Variants in XXYLT1 observed in about 807,000 individuals in gnomAD.
XXYLT1 encodes the protein xyloside xylosyltransferase 1.
A neutral mutation model predicts 28.9 loss-of-function variants in XXYLT1; 20 were observed. That is an observed-to-expected ratio of 0.69 (90% CI 0.49 to 1.00). The LOEUF is 1.00. Among genes scored for constraint, XXYLT1 ranks in the 50% least tolerant of loss-of-function variants. XXYLT1 has a pLI of 0.00. For missense variants in XXYLT1, 542 were observed against 560.1 expected (o/e 0.97, Z 0.33); for synonymous variants, 257 against 253.8 (o/e 1.01, Z -0.12).
In XXYLT1 at chr3:195,068,370, T is replaced by G. The variant is rs1714619178; in HGVS notation, c.*1345A>C. The G allele has an allele frequency of 1.3e-5, 2 of 151,570 alleles. No homozygotes were observed. Among genetic ancestry groups the G allele is most frequent in the South Asian group, 4.2e-4 (2 of 4,794 alleles). 9.4% of individuals were successfully genotyped at this position (151,570 alleles called of 1,614,324 possible). On this transcript the variant is annotated 3_prime_UTR_variant, in exon 4 of 4. Transcript: ENST00000310380. Reference sequence around the variant, plus strand: ...CAAAACAAAACAAGATGAAAATTGATACAAATGGACCCCTGGGGCTTTCAC... The same window carrying G: ...CAAAACAAAACAAGATGAAAATTGAGACAAATGGACCCCTGGGGCTTTCAC...
chr3:195,107,474 CAAAAA>C (rs372671595), intron 3 of XXYLT1, among the ~76,000 whole-genome samples: 2 of 45,692 alleles, frequency 4.4e-5, no homozygotes, highest in Non-Finnish European at 7.9e-5. Context: ...AACTCCGTCT[CAAAAA>C]AAAAAAAAAA....
At chr3:195,141,209 T>C (rs575821730) in intron 3 of XXYLT1, among the ~76,000 whole-genome samples, 173 of 152,326 alleles carry the variant, frequency 1.1e-3, no homozygotes, top group African/African-American at 3.9e-3. Context: ...GTAAGATTCA[T>C]CTATACAGTC....
At position 195,076,168 on chromosome 3, in the gene XXYLT1, A is replaced by G. The variant is rs972503108; in HGVS notation, c.786-6057T>C. ...CACCATCTGCACAGCCTGAGAGAAC[A>G]GAGGTTCAGGGAAGGAAGAGGGCCT... On this transcript the variant is annotated intron_variant, in intron 3 of 3. Transcript: ENST00000310380. This position sits in a 1 kb window ranked among gnomAD's most constrained non-coding sequence, Gnocchi z 5.3. 5.3e-5 allele frequency among the ~76,000 whole-genome samples: 8 copies of G among 152,160 alleles called. No homozygotes were observed. The highest frequency in any genetic ancestry group is 3.9e-4 in the Admixed American group (6 of 15,288).
intron 3 of XXYLT1, among the ~76,000 whole-genome samples, chr3:195,143,920 T>G (rs142302301): frequency 7.0e-6 from 1 of 142,010 alleles, no homozygotes; most frequent in Admixed American, 7.1e-5. Flanking sequence ...TTTTTTGAGA[T>G]GGACTCTTGC....
At chr3:195,138,874 A>AAAAAG (rs1553808739) in intron 3 of XXYLT1, among the ~76,000 whole-genome samples, 3 of 150,220 alleles carry the variant, frequency 2.0e-5, no homozygotes, top group African/African-American at 7.4e-5. Context: ...AAAAAAAAAA[A>AAAAAG]AAAGAAAGAA....
At position 195,110,047 on chromosome 3, in the gene XXYLT1, CGT is replaced by C. The variant is rs1271067403; in HGVS notation, c.786-39938_786-39937del. On this transcript the variant is annotated intron_variant, in intron 3 of 3. Transcript: ENST00000310380. ...AGTGTGCATGTCTGGTGTATGTGTG[CGT>C]GTGTGTGGTGTGTGTGGTGTCTGGT... Among the ~76,000 whole-genome samples, 4 of 34,810 alleles carry C rather than the reference CGT, an allele frequency of 1.1e-4. 1 individual carries two copies. The highest frequency in any genetic ancestry group is 1.9e-4 in the African/African-American group (2 of 10,580). The allele number at this position is 34,810 out of a possible 152,430, so 22.8% of individuals were successfully genotyped here.
chr3:195,097,597 C>CA (rs1449870810), intron 3 of XXYLT1, among the ~76,000 whole-genome samples: 8 of 152,296 alleles, frequency 5.3e-5, no homozygotes, highest in African/African-American at 1.9e-4. Context: ...CAAAGCCCCC[C>CA]AGCTAGTAAG....
intron 2 of XXYLT1, among the ~76,000 whole-genome samples, chr3:195,164,193 G>A (rs1350791111): frequency 3.9e-5 from 6 of 152,206 alleles, no homozygotes; most frequent in African/African-American, 1.4e-4. Flanking sequence ...AGAAATAGAG[G>A]CCCAAAGAGA....
intron 1 of XXYLT1, among the ~76,000 whole-genome samples, chr3:195,267,097 C>G (rs1267183455): frequency 3.9e-5 from 6 of 152,240 alleles, no homozygotes; most frequent in Non-Finnish European, 7.3e-5. Context: ...TAATAATGTT[C>G]TGTGATCTAT....
rs554037253 is a variant in XXYLT1, at chr3:195,088,362, A to G, written c.786-18251T>C. 1.3e-3 allele frequency among the ~76,000 whole-genome samples: 197 copies of G among 148,142 alleles called. 2 individuals are homozygous for G. Among genetic ancestry groups the G allele is most frequent in the African/African-American group, 4.8e-3 (196 of 41,112 alleles). On this transcript the variant is annotated intron_variant, in intron 3 of 3. Transcript: ENST00000310380. ...TGAGAACGGGCAGACTGCCTCCTCA[A>G]GTGGGTCCCTGACCCCTGACCCCCG...
chr3:195,175,008 TCAA>T (rs1338191418), intron 2 of XXYLT1, among the ~76,000 whole-genome samples: 4 of 152,104 alleles, frequency 2.6e-5, no homozygotes, highest in Non-Finnish European at 5.9e-5. Flanking sequence ...TAGTACACAT[TCAA>T]CAACAACTAT....
At chr3:195,228,945 TG>T (rs908998836) in intron 1 of XXYLT1, among the ~76,000 whole-genome samples, 1 of 151,968 alleles carries the variant, frequency 6.6e-6, no homozygotes, top group Non-Finnish European at 1.5e-5. Context: ...CCCAAATAGC[TG>T]GGATTACAGG....
chr3:195,247,973 G>A, intron 1 of XXYLT1: 1 of 545,214 alleles, frequency 1.8e-6, no homozygotes, highest in Non-Finnish European at 3.3e-6. Context: ...CTCCCACCAG[G>A]CCCTTCCTCT....
chr3:195,113,118 G>C (rs538483734), intron 3 of XXYLT1, among the ~76,000 whole-genome samples: 1 of 152,322 alleles, frequency 6.6e-6, no homozygotes, highest in African/African-American at 2.4e-5. Flanking sequence ...TTCATATGAG[G>C]AGCCCTCGCA....
chr3:195,244,923 T>C (rs1468726038), intron 1 of XXYLT1, among the ~76,000 whole-genome samples: 1 of 149,222 alleles, frequency 6.7e-6, no homozygotes, highest in Non-Finnish European at 1.5e-5. Context: ...CCCAGCACTT[T>C]GGGAGGCCAA....
intron 3 of XXYLT1, among the ~76,000 whole-genome samples, chr3:195,083,052 C>T (rs920680078): frequency 2.0e-5 from 3 of 152,206 alleles, no homozygotes; most frequent in Admixed American, 6.5e-5. Context: ...TCTGTGACAA[C>T]GCTCAACCCT....
chr3:195,097,848 G>C (rs1396551204), intron 3 of XXYLT1, among the ~76,000 whole-genome samples: 1 of 151,686 alleles, frequency 6.6e-6, no homozygotes, highest in Non-Finnish European at 1.5e-5. Flanking sequence ...AAAGAAGTCA[G>C]GCTGGGCAGG....
chr3:195,167,696 C>A (rs1721198136), intron 2 of XXYLT1, among the ~76,000 whole-genome samples: 1 of 152,196 alleles, frequency 6.6e-6, no homozygotes, highest in African/African-American at 2.4e-5. Context: ...GTTGACCTCA[C>A]CCATGCCCAG....
At chr3:195,083,768 C>A (rs1156330287) in intron 3 of XXYLT1, among the ~76,000 whole-genome samples, 2 of 152,166 alleles carry the variant, frequency 1.3e-5, no homozygotes, top group Non-Finnish European at 2.9e-5. Flanking sequence ...GCTCATGCCG[C>A]TAATCCCAGC....
Sources: allele counts gnomAD v4.1 joint callset (sites outside exome capture counted in the v4.1 genomes callset), GRCh38; gene constraint gnomAD v4.1.1; non-coding constraint Gnocchi (gnomAD v3.1); transcripts MANE v1.5; gene names NCBI Gene and HGNC (gene_info 2026-07-23, HGNC 2026-07-21).